The following SAMSN1 variants were observed in gnomAD, a reference collection of about 807,000 sequenced individuals.
SAMSN1 encodes the protein SAM domain-containing protein SAMSN-1.
SAMSN1 carries 31 observed loss-of-function variants against 42.0 expected under a neutral mutation model. The ratio of observed to expected loss-of-function variants is 0.74; its 90% confidence interval spans 0.55 to 1.00. SAMSN1 has a LOEUF of 1.00. Ranked by LOEUF, SAMSN1 falls within the 50% of genes least tolerant of loss-of-function variation. SAMSN1 has a pLI of 0.00. For synonymous variants in SAMSN1, 178 were observed against 151.9 expected (o/e 1.17, Z -1.26); for missense variants, 464 against 439.4 (o/e 1.06, Z -0.50).
chr21:14,562,249 A>T (rs1161092347), intron 2 of SAMSN1, among the ~76,000 whole-genome samples: 1 of 152,226 alleles, frequency 6.6e-6, no homozygotes, highest in Non-Finnish European at 1.5e-5. Flanking sequence ...TGGGAAATAG[A>T]GAGATATACC....
At chr21:14,509,293 A>C (rs1987570250) in intron 5 of SAMSN1, among the ~76,000 whole-genome samples, 1 of 152,204 alleles carries the variant, frequency 6.6e-6, no homozygotes, top group African/African-American at 2.4e-5. Flanking sequence ...TAAGTAAAGT[A>C]ACTCAGCAAT....
At chr21:14,646,866 CATA>C (rs966922897) in intron 1 of SAMSN1, among the ~76,000 whole-genome samples, 1 of 151,990 alleles carries the variant, frequency 6.6e-6, no homozygotes, top group Admixed American at 6.6e-5. Context: ...AATAATGAGT[CATA>C]ATATTTGCAA....
At chr21:14,568,010 T>G (rs1385057562) in intron 2 of SAMSN1, among the ~76,000 whole-genome samples, 2 of 152,186 alleles carry the variant, frequency 1.3e-5, no homozygotes, top group Non-Finnish European at 2.9e-5. Flanking sequence ...TTCTAAAACT[T>G]TGGTGAGCAT....
intron 4 of SAMSN1, among the ~76,000 whole-genome samples, chr21:14,610,568 C>T (rs1251523420): frequency 3.9e-5 from 6 of 151,976 alleles, no homozygotes; most frequent in African/African-American, 9.7e-5. Context: ...TTGAAAATTG[C>T]TAATAAAAAC....
intron 2 of SAMSN1, among the ~76,000 whole-genome samples, chr21:14,629,562 A>G (rs2036601001): frequency 6.6e-6 from 1 of 152,204 alleles, no homozygotes; most frequent in South Asian, 2.1e-4. Context: ...TGTCTTCAAG[A>G]AACAACCCCA....
chr21:14,611,927 C>T (rs1284311398), intron 4 of SAMSN1, among the ~76,000 whole-genome samples: 1 of 152,022 alleles, frequency 6.6e-6, no homozygotes, highest in African/African-American at 2.4e-5. Flanking sequence ...ATAAGTTTGG[C>T]ACACTACATT....
chr21:14,645,264 C>G (rs1357879318), intron 1 of SAMSN1, among the ~76,000 whole-genome samples: 1 of 152,224 alleles, frequency 6.6e-6, no homozygotes, highest in Non-Finnish European at 1.5e-5. Flanking sequence ...GCAGTGGTAG[C>G]CACAGGGGTG....
chr21:14,495,896 T>G (rs1986897257), intron 7 of SAMSN1: 1 of 146,516 alleles, frequency 6.8e-6, no homozygotes, highest in Non-Finnish European at 1.5e-5. Flanking sequence ...TTTCTTTTCT[T>G]TTTTTTTCTT....
chr21:14,582,153 C>T, exon 2 of SAMSN1: 1 of 1,548,376 alleles, frequency 6.5e-7, no homozygotes, highest in Non-Finnish European at 8.7e-7. Flanking sequence ...TGTAGGAGAT[C>T]CATATCTGAG....
chr21:14,646,489 C>T (rs1295573527), intron 1 of SAMSN1, among the ~76,000 whole-genome samples: 1 of 152,048 alleles, frequency 6.6e-6, no homozygotes. Context: ...TTCAAGAACG[C>T]CAGGTCAGTC....
At position 14,500,683 on chromosome 21, in the gene SAMSN1, C is replaced by A; in HGVS notation, c.614G>T (p.Gly205Val). 1 of 1,614,106 alleles carries A rather than the reference C, an allele frequency of 6.2e-7. No individual in the cohort carries two copies. The highest frequency in any genetic ancestry group is 1.3e-5 in the African/African-American group (1 of 75,054). The change falls in exon 6 of 8, where the codon GGA (glycine) becomes GTA (valine). Residue 205 changes from glycine to valine, a missense_variant. Transcript: ENST00000400566. ...ICKTPMGMWT[G>V]MLNNKVGNFK... ...GTTTCCCACTTTATTGTTCAACATTCCTGTCCACATCCCCATTGGTGTTTT... is the reference window on the plus strand; with the variant it reads ...GTTTCCCACTTTATTGTTCAACATTACTGTCCACATCCCCATTGGTGTTTT...
At chr21:14,634,104 G>A (rs1274599141) in intron 2 of SAMSN1, among the ~76,000 whole-genome samples, 2 of 151,780 alleles carry the variant, frequency 1.3e-5, no homozygotes, top group African/African-American at 4.8e-5. Flanking sequence ...AAACTGGCTA[G>A]CCATATGCAG....
intron 1 of SAMSN1, among the ~76,000 whole-genome samples, chr21:14,654,880 G>C (rs1020319412): frequency 6.6e-6 from 1 of 151,556 alleles, no homozygotes; most frequent in Non-Finnish European, 1.5e-5. Context: ...GAAAGAGAGA[G>C]AGAAGAAGAA....
At chr21:14,639,065 G>A (rs371546366) in intron 2 of SAMSN1, among the ~76,000 whole-genome samples, 2 of 152,040 alleles carry the variant, frequency 1.3e-5, no homozygotes, top group South Asian at 2.1e-4. Flanking sequence ...TTTTTAAAAG[G>A]CTCAAGTTTT....
intron 5 of SAMSN1, among the ~76,000 whole-genome samples, chr21:14,503,768 G>T (rs1987279094): frequency 6.6e-6 from 1 of 152,130 alleles, no homozygotes; most frequent in Non-Finnish European, 1.5e-5. Context: ...CTCACATGAT[G>T]AATTTTGGCT....
At chr21:14,548,949 G>A (rs1339901688), upstream of SAMSN1, among the ~76,000 whole-genome samples, 1 of 152,074 alleles carries the variant, frequency 6.6e-6, no homozygotes, top group Non-Finnish European at 1.5e-5. Context: ...TCTGAAATAG[G>A]GAAATTGCAA....
At chr21:14,621,220 T>C (rs538445796) in intron 2 of SAMSN1, among the ~76,000 whole-genome samples, 8 of 152,118 alleles carry the variant, frequency 5.3e-5, no homozygotes, top group Admixed American at 2.6e-4. Context: ...AGTCTACAGC[T>C]CCCAGCATGA....
At chr21:14,560,865 C>T (rs1361764634) in intron 2 of SAMSN1, among the ~76,000 whole-genome samples, 6 of 152,294 alleles carry the variant, frequency 3.9e-5, no homozygotes, top group East Asian at 1.9e-4. Context: ...GCTGCCATAA[C>T]GAAGTCATAC....
At chr21:14,571,185 C>T (rs1041407787) in intron 2 of SAMSN1, among the ~76,000 whole-genome samples, 2 of 152,122 alleles carry the variant, frequency 1.3e-5, no homozygotes, top group African/African-American at 4.8e-5. Context: ...ATTTTTGTTT[C>T]TAATTAGACT....
Sources: gnomAD v4.1 joint callset for allele counts (sites outside exome capture counted in the v4.1 genomes callset) on GRCh38, gnomAD v4.1.1 for gene constraint, MANE v1.5 for transcripts, NCBI Gene and HGNC (gene_info 2026-07-23, HGNC 2026-07-21) for gene names.